The following RNF43 variants were observed in gnomAD, a reference collection of about 807,000 sequenced individuals.
The protein encoded by RNF43 is ring finger protein 43.
In RNF43, 37 loss-of-function variants were observed where a neutral mutation model predicts 78.4. The ratio of observed to expected loss-of-function variants is 0.47; its 90% CI spans 0.36 to 0.62. RNF43 has a LOEUF of 0.62. Among genes scored for constraint, RNF43 ranks in the 20% least tolerant of loss-of-function variants. The probability of loss-of-function intolerance (pLI) is 0.00; values close to 1 mark genes in which losing one functional copy is unlikely to be tolerated. For synonymous variants in RNF43, 347 were observed against 395.0 expected (o/e 0.88, Z 1.44); for missense variants, 774 against 1,007.9 (o/e 0.77, Z 3.14).
intron 2 of RNF43, among the ~76,000 whole-genome samples, chr17:58,403,484 T>C (rs1973845500): frequency 6.6e-6 from 1 of 152,244 alleles, no homozygotes. Flanking sequence ...GGAAAGAATC[T>C]GATTCCCAGT....
At chr17:58,407,811 C>G (rs1246473821) in intron 2 of RNF43, among the ~76,000 whole-genome samples, 1 of 152,188 alleles carries the variant, frequency 6.6e-6, no homozygotes, top group African/African-American at 2.4e-5. Context: ...CCTCAGTTTT[C>G]TGAATGTAGT....
chr17:58,366,887 G>A (rs966458770), intron 3 of RNF43, among the ~76,000 whole-genome samples: 5 of 152,058 alleles, frequency 3.3e-5, no homozygotes, highest in Admixed American at 3.3e-4. Context: ...GTGCAGGGGC[G>A]CAATCTCAGC....
intron 2 of RNF43, among the ~76,000 whole-genome samples, chr17:58,407,161 C>A (rs1973929477): frequency 6.7e-6 from 1 of 149,452 alleles, no homozygotes; most frequent in Non-Finnish European, 1.5e-5. Context: ...TCACTACAAC[C>A]TCTGCCTCCC....
At chr17:58,396,482 CTAAG>C (rs1202565203) in intron 2 of RNF43, among the ~76,000 whole-genome samples, 2 of 152,094 alleles carry the variant, frequency 1.3e-5, no homozygotes, top group Non-Finnish European at 2.9e-5. Context: ...CTGTTTTCTA[CTAAG>C]TACAATTAAC....
At chr17:58,355,087 A>C (rs773846949) in intron 9 of RNF43, 101 bp from the exon 10 acceptor site, 4 of 1,045,768 alleles carry the variant, frequency 3.8e-6, no homozygotes, top group Non-Finnish European at 5.9e-6. Context: ...GACCACAGGG[A>C]GGGAGAAGCA....
intron 6 of RNF43, among the ~76,000 whole-genome samples, chr17:58,361,931 C>G (rs987605132): frequency 2.6e-5 from 4 of 151,990 alleles, no homozygotes; most frequent in East Asian, 1.9e-4. Flanking sequence ...AAAATTAACC[C>G]TGTTAATTTT....
intron 2 of RNF43, among the ~76,000 whole-genome samples, chr17:58,395,993 T>C (rs1168694351): frequency 6.6e-6 from 1 of 152,166 alleles, no homozygotes; most frequent in Non-Finnish European, 1.5e-5. Context: ...TGCATTTCCA[T>C]TGCCTGTTAA....
At chr17:58,410,145 T>C (rs938260756) in intron 2 of RNF43, among the ~76,000 whole-genome samples, 13 of 152,192 alleles carry the variant, frequency 8.5e-5, no homozygotes, top group Admixed American at 2.6e-4. Context: ...AAATTTTTGT[T>C]GGATACAAAT....
At position 58,408,642 on chromosome 17, in the gene RNF43, C is replaced by A. The variant is rs115085599; in HGVS notation, c.252+6684G>T. On this transcript the variant is annotated intron_variant, in intron 2 of 9. Transcript: ENST00000407977. The stretch of plus-strand genomic sequence containing the variant: ...TTTATGATTTTGAAATAACAACACA[C>A]GAGGCTGTTGGTAAGTCAGAAGAGT... Among the ~76,000 whole-genome samples the A allele has an allele frequency of 1.9e-3, 287 of 152,214 alleles. 1 individual carries two copies. Among genetic ancestry groups the A allele is most frequent in the African/African-American group, 6.6e-3 (276 of 41,528 alleles).
In RNF43 at chr17:58,371,001, A is replaced by G; in HGVS notation, c.285T>C (p.Asp95=). Residue 95 remains aspartate, a synonymous_variant, in exon 3 of 10, where the codon GAT becomes GAC. Transcript: ENST00000407977. ...TGAATCCAGGCTCCAGATTGTCGTC[A>G]TCACTGGCATTGCACAGGTACAGCG... The part of the protein sequence containing the change: ...SHPLYLCNAS[D]DDNLEPGFIS... 2 of 1,610,418 alleles carry G rather than the reference A, an allele frequency of 1.2e-6. No homozygotes were observed. Among genetic ancestry groups the G allele is most frequent in the Non-Finnish European group, 1.7e-6 (2 of 1,177,760 alleles).
At chr17:58,413,443 T>C (rs1974063518) in intron 2 of RNF43, among the ~76,000 whole-genome samples, 1 of 152,144 alleles carries the variant, frequency 6.6e-6, no homozygotes, top group African/African-American at 2.4e-5. Context: ...ACGAAGCATA[T>C]GTGGACAGAA....
At chr17:58,400,869 A>C (rs924190237) in intron 2 of RNF43, among the ~76,000 whole-genome samples, 4 of 151,972 alleles carry the variant, frequency 2.6e-5, no homozygotes, top group Non-Finnish European at 5.9e-5. Flanking sequence ...TAATGAAGTA[A>C]CTCTGCCCTG....
At chr17:58,355,346 A>C (rs933253850) in intron 9 of RNF43, among the ~76,000 whole-genome samples, 1 of 152,198 alleles carries the variant, frequency 6.6e-6, no homozygotes, top group African/African-American at 2.4e-5. Flanking sequence ...TATGAAAACA[A>C]ATGGCCATTA....
Position 58,363,410 on chromosome 17 carries a change from C to G in RNF43, c.451-4G>C, listed in dbSNP as rs767814408. 3.1e-6 allele frequency: 5 copies of G among 1,614,150 alleles called. No individual in the cohort carries two copies. Among genetic ancestry groups the G allele is most frequent in the Non-Finnish European group, 4.2e-6 (5 of 1,180,002 alleles). On this transcript the variant is annotated splice_polypyrimidine_tract_variant and splice_region_variant and intron_variant, in intron 4 of 9. Coordinates refer to ENST00000407977, the MANE Select transcript of RNF43 (RefSeq NM_017763.6). ...TCAGCCCCAGCGGCTGCTGCAGCTA[C>G]AGGGGGAAAGTGCCCACAGGGCTGC...
Position 58,415,677 on chromosome 17 carries a change from T to C in RNF43, c.-100A>G, listed in dbSNP as rs565359489. ...TCCAGACAAATGGAGGAAAAGAACA[T>C]TTATGCTTCCGTTTCAGAAAGCCAA... On this transcript the variant is annotated 5_prime_UTR_variant, in exon 2 of 10. An upstream start codon of the reference 5' UTR is lost. Transcript: ENST00000407977. The C allele has an allele frequency of 1.4e-6, 2 of 1,381,506 alleles. No homozygotes were observed. The highest frequency in any genetic ancestry group is 2.4e-5 in the East Asian group (1 of 42,044). 85.6% of individuals were successfully genotyped at this position (1,381,506 alleles called of 1,614,324 possible).
At chr17:58,372,515 GTCTC>G (rs1320380745) in intron 2 of RNF43, among the ~76,000 whole-genome samples, 2 of 152,216 alleles carry the variant, frequency 1.3e-5, no homozygotes, top group East Asian at 1.9e-4. Context: ...AGCTGCATTA[GTCTC>G]TCTATCTGTC....
At position 58,358,445 on chromosome 17, in the gene RNF43, C is replaced by T. The variant is rs1299147833; in HGVS notation, c.1331G>A (p.Ser444Asn). 2 of 1,614,008 alleles carry T rather than the reference C, an allele frequency of 1.2e-6. No homozygotes were observed. Among genetic ancestry groups the T allele is most frequent in the South Asian group, 1.1e-5 (1 of 91,072 alleles). The part of the protein sequence containing the change: ...PLRRARPPDS[S>N]GSGESYCTER... ...TGTGCAATAGCTTTCTCCAGATCCA[C>T]TGCTGTCAGGGGGCCTGGCCCGGCG... The change falls in exon 9 of 10, where the codon AGT becomes AAT. Residue 444 changes from serine (S) to asparagine (N), a missense_variant. Ser to Asn is a conservative substitution (Grantham distance 46). Coordinates refer to ENST00000407977, the MANE Select transcript of RNF43 (RefSeq NM_017763.6). This position sits in a 1 kb window ranked among gnomAD's most constrained non-coding sequence, Gnocchi z 6.2.
At chr17:58,386,542 T>C (rs1973441082) in intron 2 of RNF43, among the ~76,000 whole-genome samples, 1 of 152,220 alleles carries the variant, frequency 6.6e-6, no homozygotes, top group African/African-American at 2.4e-5. Flanking sequence ...CAAAAGTATG[T>C]GTTTCTTCCC....
chr17:58,355,880 G>A (rs183570231), intron 9 of RNF43, among the ~76,000 whole-genome samples: 100 of 152,330 alleles, frequency 6.6e-4, no homozygotes, highest in African/African-American at 1.9e-3. Flanking sequence ...GATCTTTAGG[G>A]TATACCTAAG....
Sources: gnomAD v4.1 joint callset for allele counts (sites outside exome capture counted in the v4.1 genomes callset) on GRCh38, gnomAD v4.1.1 for gene constraint, Gnocchi (gnomAD v3.1) non-coding constraint, MANE v1.5 for transcripts, NCBI Gene and HGNC (gene_info 2026-07-23, HGNC 2026-07-21) for gene names.